ERI3: variants seen among roughly 807,000 people sequenced by gnomAD.
ERI3 encodes ERI1 exoribonuclease family member 3.
A neutral mutation model predicts 44.4 loss-of-function variants in ERI3; 18 were observed. That is an observed-to-expected ratio of 0.41 (90% confidence interval 0.28 to 0.60). ERI3 has a LOEUF of 0.60. Ranked by LOEUF, ERI3 falls within the 20% of genes least tolerant of loss-of-function variation. The pLI is 0.36. For missense variants in ERI3, 294 were observed against 435.5 expected, an observed-to-expected ratio of 0.68 and a Z score of 2.89; for synonymous variants, 183 against 164.8, an observed-to-expected ratio of 1.11 and a Z score of -0.84.
chr1:44,297,399 C>T (rs1194841111), intron 6 of ERI3, among the ~76,000 whole-genome samples: 1 of 152,058 alleles, frequency 6.6e-6, no homozygotes, highest in Non-Finnish European at 1.5e-5. Flanking sequence ...TCATCATCTT[C>T]ACTGGGGTGT....
intron 1 of ERI3, chr1:44,354,386 T>C: frequency 1.0e-6 from 1 of 985,426 alleles, no homozygotes. Context: ...GGAGCAGTTA[T>C]ATTTTGCAAG....
Position 44,354,978 on chromosome 1 carries a change from C to T in ERI3, c.49G>A (p.Glu17Lys), listed in dbSNP as rs201803518. Residue 17 changes from glutamate (E) to lysine (K), a missense_variant, in exon 1 of 9, where the codon GAA becomes AAA. Physicochemically the swap from Glu to Lys is moderately conservative, Grantham distance 56. Transcript: ENST00000372257. ...AADGGRGRPW[E>K]GGLVSWPPAP... ...GGGGGCCAGGAGACCAGCCCTCCTT[C>T]CCAGGGCCGCCCCCGCCCCCCGTCA... The T allele has an allele frequency of 2.2e-6, 3 of 1,367,638 alleles. No homozygotes were observed. In the East Asian group the frequency reaches 8.3e-5, roughly 38 times the overall value. The allele number at this position is 1,367,638 out of a possible 1,614,324, so 84.7% of individuals were successfully genotyped here.
At chr1:44,260,635 C>A (rs1306284549) in intron 7 of ERI3, among the ~76,000 whole-genome samples, 4 of 152,166 alleles carry the variant, frequency 2.6e-5, no homozygotes, top group Non-Finnish European at 4.4e-5. Context: ...GAAACTCTAG[C>A]CCCTGGGTCT....
At chr1:44,353,911 G>T (rs1376428580) in intron 1 of ERI3, 2 of 985,236 alleles carry the variant, frequency 2.0e-6, no homozygotes. Flanking sequence ...GGAAAAGGCA[G>T]CCAAGTGGGT....
intron 8 of ERI3, among the ~76,000 whole-genome samples, chr1:44,229,470 T>C (rs1182702599): frequency 6.6e-6 from 1 of 152,116 alleles, no homozygotes; most frequent in Non-Finnish European, 1.5e-5. Context: ...TAGCTCTTCA[T>C]CAAGGACCCC....
At chr1:44,339,380 A>G in intron 2 of ERI3, 58 bp from the exon 3 acceptor site, 1 of 1,459,096 alleles carries the variant, frequency 6.9e-7, no homozygotes, top group Non-Finnish European at 9.0e-7. Flanking sequence ...AAAAAAAAAA[A>G]AGAACAGAGA....
At chr1:44,265,303 C>T (rs1386486784) in intron 7 of ERI3, among the ~76,000 whole-genome samples, 3 of 152,316 alleles carry the variant, frequency 2.0e-5, no homozygotes, top group East Asian at 1.9e-4. Context: ...CTTACACTCC[C>T]GCACAGGTGG....
At chr1:44,308,241 C>T in intron 6 of ERI3, 69 bp downstream of exon 6, 1 of 1,129,776 alleles carries the variant, frequency 8.9e-7, no homozygotes, top group Non-Finnish European at 1.4e-6. Flanking sequence ...ACATTTAAGC[C>T]TCCAAAAGGC....
chr1:44,297,280 C>T lies in ERI3; in HGVS notation c.758+11030G>A, dbSNP rs539124799. Among the ~76,000 whole-genome samples, 3 of 152,070 alleles carry T rather than the reference C, an allele frequency of 2.0e-5. No homozygotes were observed. In the South Asian group the frequency reaches 6.2e-4, roughly 32 times the overall value. On this transcript the variant is annotated intron_variant, in intron 6 of 8. Transcript: ENST00000372257. ...ACTCATAGTTGCCCTTCCCAAAGCC[C>T]TACAAAGCTAAGCCCCCAGAGTCCA...
chr1:44,248,091 C>A, intron 7 of ERI3, 53 bp from the exon 8 acceptor site: 1 of 1,325,164 alleles, frequency 7.5e-7, no homozygotes, highest in East Asian at 2.4e-5. Context: ...CTGAACCAAC[C>A]CCACTCACAA....
chr1:44,285,366 T>C (rs1441014687), intron 6 of ERI3, among the ~76,000 whole-genome samples: 2 of 152,166 alleles, frequency 1.3e-5, no homozygotes, highest in Non-Finnish European at 1.5e-5. Context: ...GTTCTTTCTA[T>C]GCACTGGTTT....
At chr1:44,283,902 C>T (rs1211291800) in intron 7 of ERI3, 2 of 427,514 alleles carry the variant, frequency 4.7e-6, no homozygotes, top group Admixed American at 2.7e-5. Context: ...TCCTTGAATG[C>T]CCAGGTCAAG....
At chr1:44,300,773 C>G (rs762285699) in intron 6 of ERI3, among the ~76,000 whole-genome samples, 1 of 152,140 alleles carries the variant, frequency 6.6e-6, no homozygotes, top group South Asian at 2.1e-4. Context: ...TAGGCTAGCC[C>G]CAGGGGCATC....
chr1:44,277,294 T>C (rs1186686351), intron 7 of ERI3, among the ~76,000 whole-genome samples: 1 of 152,008 alleles, frequency 6.6e-6, no homozygotes, highest in Non-Finnish European at 1.5e-5. Context: ...TCCTCTCACC[T>C]CCTCAGAGGC....
At chr1:44,242,411 A>G (rs554692580) in intron 8 of ERI3, among the ~76,000 whole-genome samples, 6 of 152,360 alleles carry the variant, frequency 3.9e-5, no homozygotes, top group African/African-American at 1.4e-4. Context: ...TGAGCCAGAA[A>G]GTCCCACATC....
intron 2 of ERI3, among the ~76,000 whole-genome samples, chr1:44,342,840 T>TATATATATATATATATATAA (rs1646699930): frequency 3.3e-5 from 1 of 30,628 alleles, no homozygotes; most frequent in Non-Finnish European, 6.0e-5. Flanking sequence ...TATATATATA[T>TATATATATATATATATATAA]ATATATATAT....
chr1:44,252,969 A>G lies in ERI3; in HGVS notation c.832-4931T>C, dbSNP rs907444000. 4.6e-5 allele frequency among the ~76,000 whole-genome samples: 7 copies of G among 152,102 alleles called. No individual in the cohort carries two copies. The highest frequency in any genetic ancestry group is 4.6e-4 in the Admixed American group (7 of 15,270). On this transcript the variant is annotated intron_variant, in intron 7 of 8. Transcript: ENST00000372257. The surrounding 1 kb of genome is among the most constrained non-coding windows in gnomAD (Gnocchi z 4.7). ...TGAGGAGGAGCAGGCCTTTAACCAT[A>G]CCTCTGGATGACTTGTCACCCTGCA...
At chr1:44,330,784 A>G (rs1646411932) in intron 3 of ERI3, among the ~76,000 whole-genome samples, 2 of 152,206 alleles carry the variant, frequency 1.3e-5, no homozygotes, top group African/African-American at 4.8e-5. Flanking sequence ...GTGAACACCC[A>G]GGATAAGAGG....
intron 8 of ERI3, among the ~76,000 whole-genome samples, chr1:44,234,203 G>T (rs1245719812): frequency 6.7e-6 from 1 of 149,902 alleles, no homozygotes; most frequent in African/African-American, 2.5e-5. Context: ...ATAATTTCTA[G>T]GAGCTTTAAT....
Sources: allele counts gnomAD v4.1 joint callset (sites outside exome capture counted in the v4.1 genomes callset), GRCh38; gene constraint gnomAD v4.1.1; non-coding constraint Gnocchi (gnomAD v3.1); transcripts MANE v1.5; gene names NCBI Gene and HGNC (gene_info 2026-07-23, HGNC 2026-07-21).